The following ZBBX variants were observed in gnomAD, a reference collection of about 807,000 sequenced individuals.
ZBBX encodes the protein zinc finger B-box domain containing.
ZBBX carries 101 observed loss-of-function variants against 108.5 expected under a neutral mutation model. The ratio of observed to expected loss-of-function variants is 0.93; its 90% confidence interval spans 0.79 to 1.10. The LOEUF (loss-of-function observed/expected upper bound fraction) is 1.10, where lower values mean the gene tolerates loss of function less well. ZBBX is among the 50% of genes least tolerant of loss of function. The pLI, the probability that ZBBX is intolerant of heterozygous loss-of-function variation, is 0.00. For missense variants in ZBBX, 1,009 were observed against 941.4 expected (o/e 1.07, Z -0.94); for synonymous variants, 356 against 323.4 (o/e 1.10, Z -1.08).
chr3:167,194,714 T>C, the ZBBX span, among the ~76,000 whole-genome samples: 1 of 152,174 alleles, frequency 6.6e-6, no homozygotes, highest in Non-Finnish European at 1.5e-5. Context: ...ATGGACATTT[T>C]TGACTATCCC....
At chr3:167,230,547 A>G in the ZBBX span, among the ~76,000 whole-genome samples, 1 of 151,854 alleles carries the variant, frequency 6.6e-6, no homozygotes, top group Non-Finnish European at 1.5e-5. Context: ...ATGAGACAAG[A>G]ATAATATAAA....
chr3:167,277,408 AC>A (rs1423946891), intron 20 of ZBBX, among the ~76,000 whole-genome samples: 1 of 152,164 alleles, frequency 6.6e-6, no homozygotes, highest in Non-Finnish European at 1.5e-5. Context: ...AGGAAGATCT[AC>A]CAAGCAAATG....
chr3:167,338,227 CT>C (rs35424702), intron 9 of ZBBX, among the ~76,000 whole-genome samples: 2 of 152,118 alleles, frequency 1.3e-5, no homozygotes, highest in Non-Finnish European at 2.9e-5. Flanking sequence ...CTCACCTAAA[CT>C]TTTTTTCTGC....
chr3:167,325,004 TC>T (rs763066144), intron 11 of ZBBX, among the ~76,000 whole-genome samples: 3 of 152,158 alleles, frequency 2.0e-5, no homozygotes, highest in Non-Finnish European at 1.5e-5. Flanking sequence ...TTACTGCCAT[TC>T]CTGAAGTGCT....
the ZBBX span, among the ~76,000 whole-genome samples, chr3:167,190,881 C>T: frequency 6.6e-6 from 1 of 152,164 alleles, no homozygotes; most frequent in African/African-American, 2.4e-5. Context: ...AAAAAGACTA[C>T]CAGGGCTCCT....
chr3:167,316,594 G>T (rs1735503745), intron 14 of ZBBX, among the ~76,000 whole-genome samples: 2 of 151,874 alleles, frequency 1.3e-5, no homozygotes, highest in Non-Finnish European at 2.9e-5. Context: ...CATTTAAACG[G>T]AAAATAATAT....
At chr3:167,365,424 T>C (rs1286958914) in intron 6 of ZBBX, among the ~76,000 whole-genome samples, 1 of 151,698 alleles carries the variant, frequency 6.6e-6, no homozygotes, top group Non-Finnish European at 1.5e-5. Flanking sequence ...CTGAAAAGTA[T>C]TTTTTTCTTG....
intron 17 of ZBBX, among the ~76,000 whole-genome samples, chr3:167,300,103 T>G (rs1732376050): frequency 6.6e-6 from 1 of 152,204 alleles, no homozygotes. Context: ...AAAATTTCTG[T>G]GAAACTATTT....
the ZBBX span, among the ~76,000 whole-genome samples, chr3:167,219,920 C>A: frequency 6.6e-6 from 1 of 151,880 alleles, no homozygotes; most frequent in Admixed American, 6.6e-5. Context: ...AGTAACATTA[C>A]AGCCGATACT....
At chr3:167,356,843 T>C (rs1301256807) in intron 8 of ZBBX, among the ~76,000 whole-genome samples, 2 of 152,094 alleles carry the variant, frequency 1.3e-5, no homozygotes, top group Admixed American at 6.6e-5. Context: ...ACAAATGAAC[T>C]AGCTTCACAA....
At chr3:167,243,909 C>T (rs533549200) in intron 20 of ZBBX, among the ~76,000 whole-genome samples, 1 of 152,092 alleles carries the variant, frequency 6.6e-6, no homozygotes, top group East Asian at 1.9e-4. Context: ...AGCCCCTTGA[C>T]TTTGAAATCA....
chr3:167,304,783 A>C (rs1733338638), intron 17 of ZBBX, among the ~76,000 whole-genome samples: 2 of 151,962 alleles, frequency 1.3e-5, no homozygotes, highest in South Asian at 2.1e-4. Context: ...TTCCTAGTGC[A>C]CTCCTTTAAT....
the ZBBX span, among the ~76,000 whole-genome samples, chr3:167,181,966 G>T: frequency 7.9e-4 from 121 of 152,230 alleles, no homozygotes; most frequent in Admixed American, 8.5e-4. Flanking sequence ...GGCAGGCCTG[G>T]GACGGGCCCC....
chr3:167,290,124 G>C (rs1730425458), intron 18 of ZBBX, among the ~76,000 whole-genome samples: 1 of 152,190 alleles, frequency 6.6e-6, no homozygotes, highest in South Asian at 2.1e-4. Context: ...CCTAGGGGAA[G>C]GGGCGGTTGT....
At chr3:167,293,446 T>C (rs1241239654) in intron 18 of ZBBX, among the ~76,000 whole-genome samples, 1 of 151,954 alleles carries the variant, frequency 6.6e-6, no homozygotes, top group Non-Finnish European at 1.5e-5. Context: ...ACAAAAAACA[T>C]ATGATTATCT....
intron 19 of ZBBX, among the ~76,000 whole-genome samples, chr3:167,287,829 C>A (rs1259218485): frequency 6.6e-6 from 1 of 152,056 alleles, no homozygotes; most frequent in Non-Finnish European, 1.5e-5. Flanking sequence ...ACATTGTTTT[C>A]TCCCTAAAAA....
rs186346377 is a variant in ZBBX, at chr3:167,388,229, C to T, written c.-445-7824G>A. ...GTCTGGAATGTTTCTAGAAGAGGAA[C>T]ATCAATATCCTAGGGTGGAACAAAT... On this transcript the variant is annotated intron_variant, in intron 1 of 21. Transcript: ENST00000455345. Among the ~76,000 whole-genome samples, 62 of 150,130 alleles carry T rather than the reference C, an allele frequency of 4.1e-4. 1 individual carries two copies. In the East Asian group the frequency reaches 6.4e-3, roughly 16 times the overall value.
At chr3:167,307,764 C>A (rs1185688274) in intron 16 of ZBBX, among the ~76,000 whole-genome samples, 1 of 152,098 alleles carries the variant, frequency 6.6e-6, no homozygotes. Flanking sequence ...TAGCCATATG[C>A]TGAAGATTGA....
intron 20 of ZBBX, among the ~76,000 whole-genome samples, chr3:167,245,543 A>T (rs1721420771): frequency 6.6e-6 from 1 of 152,104 alleles, no homozygotes; most frequent in East Asian, 1.9e-4. Flanking sequence ...TCCCCACCCA[A>T]ATCTCATGTC....
Sources: gnomAD v4.1 joint callset for allele counts (sites outside exome capture counted in the v4.1 genomes callset) on GRCh38, gnomAD v4.1.1 for gene constraint, MANE v1.5 for transcripts, NCBI Gene and HGNC (gene_info 2026-07-23, HGNC 2026-07-21) for gene names.